The following NSMCE2 variants were observed in gnomAD, a reference collection of about 807,000 sequenced individuals.
NSMCE2 encodes the protein E3 SUMO-protein ligase NSE2.
In NSMCE2, 24 loss-of-function variants were observed where a neutral mutation model predicts 23.8. The observed-to-expected ratio is 1.01, with a 90% confidence interval of 0.73 to 1.42. The LOEUF is 1.42. Ranked by LOEUF, NSMCE2 falls within the 40% of genes most tolerant of loss-of-function variation. The pLI, the probability that NSMCE2 is intolerant of heterozygous loss-of-function variation, is 0.00. For missense variants in NSMCE2, 284 were observed against 296.5 expected (o/e 0.96, Z 0.31); for synonymous variants, 92 against 94.1 (o/e 0.98, Z 0.13).
At chr8:125,160,348 A>G (rs1821541544) in intron 4 of NSMCE2, among the ~76,000 whole-genome samples, 1 of 152,232 alleles carries the variant, frequency 6.6e-6, no homozygotes, top group Admixed American at 6.5e-5. Context: ...CTGAAAGGGA[A>G]TTTCAAGTTA....
chr8:125,316,719 T>C (rs13262004), intron 5 of NSMCE2, among the ~76,000 whole-genome samples: 32,085 of 76,146 alleles, frequency 0.42, 5,919 homozygotes, highest in Admixed American at 0.53. Context: ...TCTTTCCTTC[T>C]TTCTTTCCTT....
chr8:125,360,096 A>G (rs187429760), intron 7 of NSMCE2, among the ~76,000 whole-genome samples: 1 of 152,294 alleles, frequency 6.6e-6, no homozygotes, highest in African/African-American at 2.4e-5. Context: ...GGTGGCTGAC[A>G]TTTCTCATCT....
chr8:125,327,181 G>A (rs562483809), intron 5 of NSMCE2, among the ~76,000 whole-genome samples: 14 of 143,846 alleles, frequency 9.7e-5, no homozygotes, highest in Admixed American at 4.2e-4. Context: ...CAGGAGAATC[G>A]CTTGAACCTG....
At chr8:125,096,189 C>T (rs562576929) in intron 1 of NSMCE2, among the ~76,000 whole-genome samples, 1 of 152,278 alleles carries the variant, frequency 6.6e-6, no homozygotes, top group Non-Finnish European at 1.5e-5. Context: ...TGGCTTTTTG[C>T]AGATTAGGCC....
intron 3 of NSMCE2, among the ~76,000 whole-genome samples, chr8:125,102,813 G>T (rs1818262387): frequency 6.6e-6 from 1 of 152,070 alleles, no homozygotes. Flanking sequence ...TTATGATATT[G>T]TTATTTTTCA....
At chr8:125,316,771 C>CCTTCCTTCCTTCCTTCCTTCCT (rs1333224137) in intron 5 of NSMCE2, among the ~76,000 whole-genome samples, 20 of 140,264 alleles carry the variant, frequency 1.4e-4, no homozygotes, top group African/African-American at 5.2e-4. Context: ...TTCCTTCCTT[C>CCTTCCTTCCTTCCTTCCTTCCT]TCTCTCTCTC....
intron 4 of NSMCE2, among the ~76,000 whole-genome samples, chr8:125,164,855 C>T (rs1821796642): frequency 6.6e-6 from 1 of 152,146 alleles, no homozygotes; most frequent in African/African-American, 2.4e-5. Flanking sequence ...AACATGTCTC[C>T]AGTGCTTGTT....
chr8:125,334,255 AGGTG>A (rs1829991563), intron 5 of NSMCE2, among the ~76,000 whole-genome samples: 1 of 152,090 alleles, frequency 6.6e-6, no homozygotes, highest in Non-Finnish European at 1.5e-5. Flanking sequence ...GCCTCACTGG[AGGTG>A]CTTTGATCAT....
At chr8:125,221,972 A>G (rs1824881598) in intron 5 of NSMCE2, among the ~76,000 whole-genome samples, 2 of 152,184 alleles carry the variant, frequency 1.3e-5, no homozygotes, top group South Asian at 4.1e-4. Context: ...AAAGCTCATT[A>G]AATCAGAATT....
intron 3 of NSMCE2, among the ~76,000 whole-genome samples, chr8:125,146,078 C>CTGATAGA (rs1195620526): frequency 6.6e-6 from 1 of 152,178 alleles, no homozygotes; most frequent in Non-Finnish European, 1.5e-5. Context: ...AGAACCATGT[C>CTGATAGA]TGATAGCCTC....
intron 5 of NSMCE2, among the ~76,000 whole-genome samples, chr8:125,330,177 C>CTTTTTTTTTT (rs34345598): frequency 5.0e-5 from 6 of 119,122 alleles, no homozygotes; most frequent in Non-Finnish European, 8.1e-5. Flanking sequence ...TTTCTTTTTT[C>CTTTTTTTTTT]TTTCTTTTTT....
At position 125,185,411 on chromosome 8, in the gene NSMCE2, A is replaced by C. The variant is rs186394545; in HGVS notation, c.418+3155A>C. Among the ~76,000 whole-genome samples the C allele has an allele frequency of 8.5e-4, 130 of 152,052 alleles. 1 individual carries two copies. The East Asian group carries it at 0.019, about 22-fold the overall frequency. On this transcript the variant is annotated intron_variant, in intron 5 of 7. Coordinates refer to ENST00000287437, the MANE Select transcript of NSMCE2 (RefSeq NM_173685.4). ...AACCTCTGCCTCCCAGGTTCAAGTG[A>C]TTCTCCTGCCTCAGCCTCCCAAGTA...
intron 1 of NSMCE2, among the ~76,000 whole-genome samples, chr8:125,096,013 C>G (rs1243393832): frequency 6.6e-6 from 1 of 151,914 alleles, no homozygotes; most frequent in Non-Finnish European, 1.5e-5. Context: ...ATGGCTTTGC[C>G]CAGTTGAAGT....
intron 1 of NSMCE2, among the ~76,000 whole-genome samples, chr8:125,094,037 C>T (rs1304897804): frequency 1.3e-5 from 2 of 151,486 alleles, no homozygotes; most frequent in Non-Finnish European, 2.9e-5. Context: ...CTCCTGGCCT[C>T]AAGCAATCTT....
intron 5 of NSMCE2, among the ~76,000 whole-genome samples, chr8:125,239,440 C>G (rs1218945269): frequency 6.6e-6 from 1 of 151,926 alleles, no homozygotes; most frequent in African/African-American, 2.4e-5. Flanking sequence ...AAAGCCCCAT[C>G]TCTATTAAAA....
chr8:125,274,727 C>T (rs1475615286), intron 5 of NSMCE2, among the ~76,000 whole-genome samples: 1 of 151,878 alleles, frequency 6.6e-6, no homozygotes, highest in Non-Finnish European at 1.5e-5. Context: ...GTCAGCAGTT[C>T]GAGACCAGCC....
intron 3 of NSMCE2, among the ~76,000 whole-genome samples, chr8:125,146,725 G>A (rs4871571): frequency 0.2 from 31,088 of 151,736 alleles, 4,052 homozygotes; most frequent in African/African-American, 0.36. Flanking sequence ...GAAGGGGAAC[G>A]TCACACACTG....
chr8:125,216,232 C>A (rs192836616), intron 5 of NSMCE2, among the ~76,000 whole-genome samples: 1 of 148,596 alleles, frequency 6.7e-6, no homozygotes, highest in East Asian at 1.9e-4. Flanking sequence ...TGGACATTTG[C>A]GTTTTCACCT....
rs184147194 is a variant in NSMCE2, at chr8:125,324,498, C to G, written c.419-32721C>G. 2.3e-3 allele frequency among the ~76,000 whole-genome samples: 240 copies of G among 103,966 alleles called. 1 individual carries two copies. The highest frequency in any genetic ancestry group is 8.7e-3 in the African/African-American group (233 of 26,662). 68.2% of individuals were successfully genotyped at this position (103,966 alleles called of 152,430 possible). A position where few individuals can be genotyped will look rare whatever the true frequency, so the allele number is the denominator to read the frequency against. ...AAAAAAAAAATGAGGACTATTGATA[C>G]ATGCAGCAAGGTGCCAGACCAAAAA... On this transcript the variant is annotated intron_variant, in intron 5 of 7. Coordinates refer to ENST00000287437, the MANE Select transcript of NSMCE2 (RefSeq NM_173685.4).
Sources: allele counts gnomAD v4.1 joint callset (sites outside exome capture counted in the v4.1 genomes callset), GRCh38; gene constraint gnomAD v4.1.1; transcripts MANE v1.5; gene names NCBI Gene and HGNC (gene_info 2026-07-23, HGNC 2026-07-21).